Variants in ANXA4 observed in about 807,000 individuals in gnomAD.
ANXA4 encodes the protein 35-beta calcimedin.
Under a neutral mutation model 49.8 loss-of-function variants are expected in ANXA4, and 39 were observed. The ratio of observed to expected loss-of-function variants is 0.78; its 90% CI spans 0.61 to 1.02. ANXA4 has a LOEUF of 1.02. ANXA4 is among the 50% of genes least tolerant of loss of function. ANXA4 has a pLI of 0.00. For missense variants in ANXA4, 360 were observed against 410.1 expected (o/e 0.88, Z 1.05); for synonymous variants, 134 against 152.5 (o/e 0.88, Z 0.89).
At chr2:69,718,787 A>G (rs1245123095) in intron 2 of ANXA4, among the ~76,000 whole-genome samples, 3 of 149,500 alleles carry the variant, frequency 2.0e-5, no homozygotes, top group East Asian at 1.9e-4. Context: ...ACACACATGC[A>G]TACACATACG....
chr2:69,711,916 T>TG (rs553767258), intron 2 of ANXA4, among the ~76,000 whole-genome samples: 47 of 151,118 alleles, frequency 3.1e-4, no homozygotes, highest in Non-Finnish European at 4.1e-4. Flanking sequence ...TGGGGCATGA[T>TG]GGGGGGGTCT....
chr2:69,806,397 G>A lies in ANXA4; in HGVS notation c.205G>A (p.Asp69Asn), dbSNP rs1048992360. ...TCTTGCATTGCAGGACTTGATAGAC[G>A]ACCTGAAGTCAGAACTGAGTGGCAA... ...KSTIGRDLID[D>N]LKSELSGNFE... Residue 69 changes from aspartate to asparagine, a missense_variant, in exon 5 of 13, where the codon GAC becomes AAC. By Grantham distance (23) the Asp-to-Asn change is conservative. Transcript: ENST00000394295. The A allele has an allele frequency of 4.8e-5, 78 of 1,613,874 alleles. No homozygotes were observed. The highest frequency in any genetic ancestry group is 6.7e-5 in the East Asian group (3 of 44,880).
At chr2:69,644,168 C>T (rs185390552), upstream of ANXA4, among the ~76,000 whole-genome samples, 228 of 12,462 alleles carry the variant, frequency 0.018, 16 homozygotes, top group African/African-American at 0.044. Context: ...ACTAAGTTCC[C>T]CCCCCCCCCC....
intron 2 of ANXA4, among the ~76,000 whole-genome samples, chr2:69,698,065 G>A (rs1458022612): frequency 6.6e-6 from 1 of 152,030 alleles, no homozygotes; most frequent in Non-Finnish European, 1.5e-5. Flanking sequence ...AGGCCGAGAA[G>A]TCCAGGATCA....
intron 2 of ANXA4, among the ~76,000 whole-genome samples, chr2:69,663,120 G>T (rs1234789123): frequency 6.7e-6 from 1 of 149,656 alleles, no homozygotes; most frequent in Non-Finnish European, 1.5e-5. Flanking sequence ...AGCCTCTTGA[G>T]TAGCTGGGAC....
chr2:69,736,759 A>T (rs919307356), intron 3 of ANXA4, among the ~76,000 whole-genome samples: 8 of 152,146 alleles, frequency 5.3e-5, no homozygotes, highest in Non-Finnish European at 1.0e-4. Context: ...TGTGTATGAG[A>T]ATCTATGTTA....
At chr2:69,713,638 G>A (rs928229390) in intron 2 of ANXA4, 1 of 152,158 alleles carries the variant, frequency 6.6e-6, no homozygotes, top group Admixed American at 6.5e-5. Context: ...CACACAACCC[G>A]TAACATAACG....
chr2:69,806,270 C>G, intron 4 of ANXA4, 115 bp from the exon 5 acceptor site: 1 of 670,630 alleles, frequency 1.5e-6, no homozygotes, highest in Non-Finnish European at 2.7e-6. Flanking sequence ...ATAGTTTTGA[C>G]TTGCAGGCCC....
chr2:69,702,075 G>C (rs1372374824), intron 2 of ANXA4, among the ~76,000 whole-genome samples: 1 of 151,924 alleles, frequency 6.6e-6, no homozygotes, highest in Non-Finnish European at 1.5e-5. Context: ...GCAGTGGCGC[G>C]ATCTCAGCTC....
chr2:69,758,819 A>G (rs1044479828), intron 1 of ANXA4, among the ~76,000 whole-genome samples: 2 of 152,112 alleles, frequency 1.3e-5, no homozygotes, highest in African/African-American at 4.8e-5. Context: ...CAACAGAAGT[A>G]AGTATCTACA....
At chr2:69,672,288 G>A (rs2105343400) in intron 2 of ANXA4, among the ~76,000 whole-genome samples, 1 of 152,278 alleles carries the variant, frequency 6.6e-6, no homozygotes, top group Admixed American at 6.5e-5. Flanking sequence ...CTGAAGTACA[G>A]TGGTGTGATC....
intron 3 of ANXA4, among the ~76,000 whole-genome samples, chr2:69,722,744 G>A (rs1313498963): frequency 5.3e-5 from 8 of 151,552 alleles, no homozygotes; most frequent in South Asian, 2.1e-4. Flanking sequence ...ATTTATGCAC[G>A]TCAAAATGTT....
At chr2:69,728,306 G>A (rs1670014201) in intron 3 of ANXA4, among the ~76,000 whole-genome samples, 1 of 152,012 alleles carries the variant, frequency 6.6e-6, no homozygotes, top group South Asian at 2.1e-4. Flanking sequence ...TACATGTATT[G>A]TAAATATCTT....
At chr2:69,799,014 T>C (rs570438778) in intron 3 of ANXA4, among the ~76,000 whole-genome samples, 1 of 152,236 alleles carries the variant, frequency 6.6e-6, no homozygotes, top group South Asian at 2.1e-4. Flanking sequence ...GTAGTAAAAA[T>C]GTCAGGGTTT....
chr2:69,765,428 A>G (rs1390989797), intron 1 of ANXA4, among the ~76,000 whole-genome samples: 1 of 152,116 alleles, frequency 6.6e-6, no homozygotes, highest in East Asian at 1.9e-4. Context: ...TAGCCATTCT[A>G]ATGGGTATGA....
Position 69,789,339 on chromosome 2 carries a change from G to C in ANXA4, c.97+1198G>C, listed in dbSNP as rs115688048. On this transcript the variant is annotated intron_variant, in intron 3 of 12. Coordinates refer to ENST00000394295, the MANE Select transcript of ANXA4 (RefSeq NM_001153.5). Reference sequence around the variant, plus strand: ...CTAGGCAGATCCCATCTCAAGCTCGGGGTCATCAGCACTAAGTCCACATTC... The same window carrying C: ...CTAGGCAGATCCCATCTCAAGCTCGCGGTCATCAGCACTAAGTCCACATTC... Among the ~76,000 whole-genome samples the C allele has an allele frequency of 4.8e-3, 732 of 152,256 alleles. 4 individuals are homozygous for C. Among genetic ancestry groups the C allele is most frequent in the African/African-American group, 0.016 (683 of 41,550 alleles).
At chr2:69,761,776 TAAAA>T (rs56109057) in intron 1 of ANXA4, among the ~76,000 whole-genome samples, 2 of 135,308 alleles carry the variant, frequency 1.5e-5, no homozygotes, top group East Asian at 2.1e-4. Flanking sequence ...GATGCTGTCT[TAAAA>T]AAAAAAAAAA....
intron 2 of ANXA4, among the ~76,000 whole-genome samples, chr2:69,668,155 C>T (rs991904625): frequency 2.6e-5 from 4 of 152,062 alleles, no homozygotes; most frequent in Admixed American, 1.3e-4. Flanking sequence ...ATGCATGGAC[C>T]GGTTTATAAG....
chr2:69,739,385 A>AT (rs886315702), upstream of ANXA4, among the ~76,000 whole-genome samples: 11 of 148,922 alleles, frequency 7.4e-5, no homozygotes, highest in South Asian at 2.1e-4. Context: ...GAGATTTTTA[A>AT]TTTTTTTTTA....
Sources: gnomAD v4.1 joint callset for allele counts (sites outside exome capture counted in the v4.1 genomes callset) on GRCh38, gnomAD v4.1.1 for gene constraint, MANE v1.5 for transcripts, NCBI Gene and HGNC (gene_info 2026-07-23, HGNC 2026-07-21) for gene names.